WWOX: variants seen among roughly 807,000 people sequenced by gnomAD.
WWOX encodes the protein WW domain containing oxidoreductase.
In WWOX, 69 loss-of-function variants were observed where a neutral mutation model predicts 46.2. The observed-to-expected ratio is 1.49, with a 90% CI of 1.23 to 1.82. The LOEUF (loss-of-function observed/expected upper bound fraction) is 1.82, where lower values mean the gene tolerates loss of function less well. WWOX is among the 40% of genes most tolerant of loss of function. The probability of loss-of-function intolerance (pLI) is 0.00; values close to 1 mark genes in which losing one functional copy is unlikely to be tolerated. For missense variants in WWOX, 919 were observed against 542.6 expected, an observed-to-expected ratio of 1.69 and a Z score of -6.89; for synonymous variants, 359 against 202.6, an observed-to-expected ratio of 1.77 and a Z score of -6.56.
At chr16:78,355,572 A>C in intron 5 of WWOX, 1 of 477,388 alleles carries the variant, frequency 2.1e-6, no homozygotes. Flanking sequence ...AACACTGTGG[A>C]GGATCCCCTG....
At chr16:78,606,949 C>T (rs1721916904) in intron 8 of WWOX, among the ~76,000 whole-genome samples, 1 of 151,918 alleles carries the variant, frequency 6.6e-6, no homozygotes, top group African/African-American at 2.4e-5. Flanking sequence ...TAATTATGTC[C>T]AATGATCATT....
At chr16:78,439,627 T>G (rs553970747) in intron 8 of WWOX, among the ~76,000 whole-genome samples, 1 of 152,360 alleles carries the variant, frequency 6.6e-6, no homozygotes, top group South Asian at 2.1e-4. Flanking sequence ...TTTAGTTACA[T>G]AATTTTGAAA....
rs562794975 is a variant in WWOX, at chr16:79,208,609, T to G, written c.1057-2999T>G. 2.7e-5 allele frequency among the ~76,000 whole-genome samples: 4 copies of G among 148,584 alleles called. No homozygotes were observed. The South Asian group carries it at 8.5e-4, about 32-fold the overall frequency. ...GGTGGTATGAATGAAAGTCATCTGA[T>G]GGTGATTAAAGTGCTCTTTAAATTT... On this transcript the variant is annotated intron_variant, in intron 8 of 8. Transcript: ENST00000566780.
intron 8 of WWOX, among the ~76,000 whole-genome samples, chr16:78,547,729 C>T (rs1205944383): frequency 2.6e-5 from 4 of 152,132 alleles, no homozygotes; most frequent in Non-Finnish European, 2.9e-5. Context: ...GTCCTCATAT[C>T]GTGGGAGGGG....
chr16:78,839,826 C>T (rs554231981), intron 8 of WWOX, among the ~76,000 whole-genome samples: 10 of 152,272 alleles, frequency 6.6e-5, no homozygotes, highest in Admixed American at 5.2e-4. Context: ...GTCTCATCAT[C>T]GTCTAGAGAT....
intron 8 of WWOX, among the ~76,000 whole-genome samples, chr16:78,955,269 A>G (rs1020651680): frequency 1.3e-5 from 2 of 152,168 alleles, no homozygotes; most frequent in Non-Finnish European, 2.9e-5. Context: ...GGACCTCCAC[A>G]TGTCCCTCAT....
chr16:78,679,390 A>C (rs559124128), intron 8 of WWOX, among the ~76,000 whole-genome samples: 6 of 152,214 alleles, frequency 3.9e-5, no homozygotes, highest in Non-Finnish European at 7.4e-5. Context: ...GTCTCTGCTA[A>C]AAATACAAAA....
intron 4 of WWOX, among the ~76,000 whole-genome samples, chr16:78,156,661 C>T (rs576948270): frequency 8.5e-5 from 13 of 152,256 alleles, no homozygotes; most frequent in African/African-American, 2.2e-4. Context: ...TGGTGGCTCA[C>T]GCCTGTAATC....
At chr16:78,830,568 C>T (rs2051792058) in intron 8 of WWOX, among the ~76,000 whole-genome samples, 1 of 151,998 alleles carries the variant, frequency 6.6e-6, no homozygotes, top group Non-Finnish European at 1.5e-5. Flanking sequence ...CTTCTTTCAC[C>T]TCTAGGAGAT....
intron 3 of WWOX, among the ~76,000 whole-genome samples, chr16:78,111,487 T>G: frequency 6.6e-6 from 1 of 152,190 alleles, no homozygotes; most frequent in Non-Finnish European, 1.5e-5. Context: ...CACACCCGCA[T>G]AAGGGCTGCT....
chr16:78,340,378 T>C lies in WWOX; in HGVS notation c.517-46482T>C, dbSNP rs927140540. ...AGCCGAACTAATTTATTTTTATTTT[T>C]TGTATTTTTAGTAGAGATGAAGTGT... On this transcript the variant is annotated intron_variant, in intron 5 of 8. Coordinates refer to ENST00000566780, the MANE Select transcript of WWOX (RefSeq NM_016373.4). 9.2e-5 allele frequency among the ~76,000 whole-genome samples: 11 copies of C among 119,254 alleles called. 3 individuals carry two copies. Among genetic ancestry groups the C allele is most frequent in the Non-Finnish European group, 2.2e-4 (11 of 50,052 alleles). The allele number at this position is 119,254 out of a possible 152,430, so 78.2% of individuals were successfully genotyped here.
At chr16:79,154,503 CAA>C (rs67379862) in intron 8 of WWOX, among the ~76,000 whole-genome samples, 77 of 88,070 alleles carry the variant, frequency 8.7e-4, no homozygotes, top group African/African-American at 9.5e-4. Flanking sequence ...TCCTCTTTTG[CAA>C]AAAAAAAAAA....
intron 8 of WWOX, among the ~76,000 whole-genome samples, chr16:78,453,240 A>G (rs2083734848): frequency 6.6e-6 from 1 of 152,000 alleles, no homozygotes; most frequent in African/African-American, 2.4e-5. Flanking sequence ...CCTGGCCAAT[A>G]TGGTGAGACC....
intron 8 of WWOX, among the ~76,000 whole-genome samples, chr16:78,595,136 G>T (rs1756952452): frequency 6.6e-6 from 1 of 152,202 alleles, no homozygotes; most frequent in African/African-American, 2.4e-5. Flanking sequence ...TTGCAAACCT[G>T]CAAAAGCAAC....
rs150626624 is a variant in WWOX, at chr16:78,853,385, G to A, written c.1057-358223G>A. ...ATGCCACGAAGCCCGACTGATTTTT[G>A]TATTTTTAGTAGAGACAGGGTTTTG... On this transcript the variant is annotated intron_variant, in intron 8 of 8. Coordinates refer to ENST00000566780, the MANE Select transcript of WWOX (RefSeq NM_016373.4). Among the ~76,000 whole-genome samples, 488 of 152,108 alleles carry A rather than the reference G, an allele frequency of 3.2e-3. 3 individuals are homozygous for A. The highest frequency in any genetic ancestry group is 0.011 in the African/African-American group (461 of 41,492).
intron 8 of WWOX, among the ~76,000 whole-genome samples, chr16:79,099,213 C>G (rs1434559423): frequency 6.6e-6 from 1 of 152,196 alleles, no homozygotes; most frequent in African/African-American, 2.4e-5. Flanking sequence ...CCCCATGACC[C>G]AAACACCTCC....
intron 8 of WWOX, among the ~76,000 whole-genome samples, chr16:79,049,480 C>G (rs868800668): frequency 2.4e-4 from 36 of 152,144 alleles, no homozygotes; most frequent in African/African-American, 8.0e-4. Context: ...AGCTGGGACA[C>G]TCCACAGAGA....
At chr16:78,378,441 C>G (rs576401532) in intron 5 of WWOX, among the ~76,000 whole-genome samples, 1 of 152,278 alleles carries the variant, frequency 6.6e-6, no homozygotes, top group Admixed American at 6.5e-5. Context: ...ACTGTGTCCC[C>G]ATGCATTTTC....
intron 8 of WWOX, among the ~76,000 whole-genome samples, chr16:78,765,391 A>G (rs1236263228): frequency 6.6e-6 from 1 of 152,158 alleles, no homozygotes; most frequent in Non-Finnish European, 1.5e-5. Flanking sequence ...TCCACGTAAG[A>G]TTCGGGGCCG....
Sources: allele counts gnomAD v4.1 joint callset (sites outside exome capture counted in the v4.1 genomes callset), GRCh38; gene constraint gnomAD v4.1.1; transcripts MANE v1.5; gene names NCBI Gene and HGNC (gene_info 2026-07-23, HGNC 2026-07-21).